The following LTBR variants were observed in gnomAD, a reference collection of about 807,000 sequenced individuals.
LTBR encodes the protein tumor necrosis factor receptor superfamily member 3.
A neutral mutation model predicts 45.4 loss-of-function variants in LTBR; 15 were observed. The observed-to-expected ratio is 0.33, with a 90% CI of 0.22 to 0.51. The LOEUF (loss-of-function observed/expected upper bound fraction) is 0.51, where lower values mean the gene tolerates loss of function less well. Among genes scored for constraint, LTBR ranks in the 20% least tolerant of loss-of-function variants. LTBR has a pLI of 0.97. For missense variants in LTBR, 450 were observed against 565.5 expected (o/e 0.80, Z 2.07); for synonymous variants, 228 against 231.0 (o/e 0.99, Z 0.12).
chr12:6,376,223 G>T (rs1022529653), intron 1 of LTBR: 2 of 981,412 alleles, frequency 2.0e-6, no homozygotes, highest in South Asian at 9.4e-5. Context: ...CCTCCTCCTG[G>T]TCCCTCCTCT....
chr12:6,390,647 T>A lies in LTBR; in HGVS notation c.1031-13T>A. On this transcript the variant is annotated splice_polypyrimidine_tract_variant and intron_variant, in intron 9 of 9. Coordinates refer to ENST00000228918, the MANE Select transcript of LTBR (RefSeq NM_002342.3). Reference sequence around the variant, plus strand: ...GGCCTTCCTTCCTCAACACTCTGCCTCCCTTCCTACAGGTACCAATGGCAT... The same window carrying A: ...GGCCTTCCTTCCTCAACACTCTGCCACCCTTCCTACAGGTACCAATGGCAT... The A allele has an allele frequency of 4.0e-6, 6 of 1,499,484 alleles. No individual in the cohort carries two copies. Among genetic ancestry groups the A allele is most frequent in the Non-Finnish European group, 5.3e-6 (6 of 1,124,850 alleles). 92.9% of individuals were successfully genotyped at this position (1,499,484 alleles called of 1,614,324 possible). A position where few individuals can be genotyped will look rare whatever the true frequency, so the allele number is the denominator to read the frequency against.
chr12:6,384,181 C>A lies in LTBR; in HGVS notation c.-178C>A. On this transcript the variant is annotated 5_prime_UTR_variant, in exon 1 of 10. Transcript: ENST00000228918. The stretch of plus-strand genomic sequence containing the variant: ...CGCTCCACTCCCACTTCCTGAGCTC[C>A]GCCATGGGAGCCCTGGAGGCCCGGC... The A allele has an allele frequency of 8.4e-6, 11 of 1,303,072 alleles. No individual in the cohort carries two copies. The highest frequency in any genetic ancestry group is 1.5e-5 in the African/African-American group (1 of 64,754). The allele number at this position is 1,303,072 out of a possible 1,614,324, so 80.7% of individuals were successfully genotyped here.
upstream of LTBR, among the ~76,000 whole-genome samples, chr12:6,382,966 T>C (rs1948998902): frequency 6.6e-6 from 1 of 152,216 alleles, no homozygotes; most frequent in Admixed American, 6.5e-5. Context: ...GGACTGGCTC[T>C]GTGATGTGGC....
Position 6,385,058 on chromosome 12 carries a change from A to G in LTBR, c.230A>G (p.Asp77Gly). The G allele has an allele frequency of 1.2e-6, 2 of 1,614,186 alleles. No homozygotes were observed. The highest frequency in any genetic ancestry group is 1.3e-5 in the African/African-American group (1 of 75,048). The change falls in exon 3 of 10, where the codon GAC (aspartate) becomes GGC (glycine). Residue 77 changes from aspartate to glycine, a missense_variant. Around this residue, in one of 3 missense-constraint regions of LTBR, gnomAD observed 367 missense variants for 435.4 expected, o/e 0.84. Transcript: ENST00000228918. ...TCAGCTAAATGTAGCCGCATCCGGG[A>G]CACAGTTTGTGCCACATGTGCCGAG... ...YVSAKCSRIRDTVCATCAENS... is the reference protein window; with the variant it reads ...YVSAKCSRIRGTVCATCAENS...
chr12:6,387,796 A>G (rs1281819294), intron 6 of LTBR: 2 of 444,744 alleles, frequency 4.5e-6, no homozygotes, highest in Non-Finnish European at 9.1e-6. Context: ...TTCCCCTCCT[A>G]GAACCTGCCC....
chr12:6,386,402 A>G lies in LTBR; in HGVS notation c.625A>G (p.Thr209Ala), dbSNP rs778597764. 30 of 1,612,796 alleles carry G rather than the reference A, an allele frequency of 1.9e-5. No homozygotes were observed. Among genetic ancestry groups the G allele is most frequent in the Non-Finnish European group, 2.5e-5 (29 of 1,179,532 alleles). The part of the protein sequence containing the change: ...AAPGTAQSDT[T>A]CKNPLEPLPP... ...TCCAGGCACTGCCCAGTCCGACACA[A>G]CCTGCAAAAATCCATTAGAGCCACT... is the stretch of plus-strand genomic sequence containing the variant. Residue 209 changes from threonine to alanine, a missense_variant, in exon 6 of 10, where the codon ACC becomes GCC. Transcript: ENST00000228918. The surrounding 1 kb of genome is among the most constrained non-coding windows in gnomAD (Gnocchi z 4.1).
intron 9 of LTBR, 78 bp from the exon 10 acceptor site, chr12:6,390,582 A>G: frequency 7.1e-7 from 1 of 1,415,898 alleles, no homozygotes; most frequent in Non-Finnish European, 9.5e-7. Context: ...GAAAGGCGAG[A>G]AGAAGGCAAG....
In LTBR at chr12:6,388,542, G is replaced by A. The variant is rs753361551; in HGVS notation, c.775+37G>A. ...TTGGATGCAGTGGATGGTTGGCAAT[G>A]GGAGCCGGAGGGAGGAATATTCAAC... On this transcript the variant is annotated intron_variant, in intron 7 of 9. Transcript: ENST00000228918. The surrounding 1 kb of genome is among the most constrained non-coding windows in gnomAD (Gnocchi z 4.3). 1 of 1,548,460 alleles carries A rather than the reference G, an allele frequency of 6.5e-7. No individual in the cohort carries two copies. Among genetic ancestry groups the A allele is most frequent in the South Asian group, 1.1e-5 (1 of 89,658 alleles).
chr12:6,384,538 A>T, intron 1 of LTBR, 50 bp from the exon 2 acceptor site: 2 of 1,610,114 alleles, frequency 1.2e-6, no homozygotes, highest in Non-Finnish European at 1.7e-6. Context: ...TGCCCTCCCA[A>T]GCTGACCCCT....
In LTBR at chr12:6,390,180, G is replaced by A. The variant is rs957317292; in HGVS notation, c.870G>A (p.Leu290=). The A allele has an allele frequency of 4.3e-6, 7 of 1,613,968 alleles. No individual in the cohort carries two copies. Among genetic ancestry groups the A allele is most frequent in the African/African-American group, 2.7e-5 (2 of 74,894 alleles). The part of the protein sequence containing the change: ...PPKAHPYFPD[L]VQPLLPISGD... ...AGGCCCATCCATACTTCCCTGACTT[G>A]GTACAGCCACTGCTACCCATTTCTG... Residue 290 remains leucine, a synonymous_variant, in exon 9 of 10, where the codon TTG becomes TTA. Transcript: ENST00000228918.
In LTBR at chr12:6,388,457, G is replaced by A. The variant is rs148007184; in HGVS notation, c.727G>A (p.Val243Ile). 4.7e-5 allele frequency: 76 copies of A among 1,613,808 alleles called. No homozygotes were observed. The highest frequency in any genetic ancestry group is 8.9e-5 in the East Asian group (4 of 44,884). The change falls in exon 7 of 10, where the codon GTC becomes ATC. Residue 243 changes from valine to isoleucine, a missense_variant. By Grantham distance (29) the Val-to-Ile change is conservative. Transcript: ENST00000228918. This position sits in a 1 kb window ranked among gnomAD's most constrained non-coding sequence, Gnocchi z 4.3. ...GGCCTTCTTTCTGCTCCTTGCCACC[G>A]TCTTCTCCTGCATCTGGAAGAGCCA... is the stretch of plus-strand genomic sequence containing the variant. Reference protein sequence around the residue: ...PLAFFLLLATVFSCIWKSHPS... With the variant: ...PLAFFLLLATIFSCIWKSHPS...
intron 1 of LTBR, chr12:6,377,154 A>T (rs1396350898): frequency 1.0e-6 from 1 of 1,003,918 alleles, no homozygotes; most frequent in East Asian, 2.6e-5. Context: ...TCAGGGTCCA[A>T]CCTGGTCTGT....
At chr12:6,378,623 G>A (rs1948944238) in intron 1 of LTBR, among the ~76,000 whole-genome samples, 1 of 152,164 alleles carries the variant, frequency 6.6e-6, no homozygotes, top group Admixed American at 6.5e-5. Context: ...TCATGCATGA[G>A]GGGACTGAGG....
At chr12:6,375,221 G>C, upstream of LTBR, 7 of 1,441,670 alleles carry the variant, frequency 4.9e-6, no homozygotes, top group Non-Finnish European at 6.3e-6. Flanking sequence ...TCTGCCTTCT[G>C]TTTCTCTTTG....
upstream of LTBR, chr12:6,375,225 C>T: frequency 6.9e-7 from 1 of 1,441,036 alleles, no homozygotes; most frequent in Middle Eastern, 2.6e-4. Flanking sequence ...CCTTCTGTTT[C>T]TCTTTGGGTC....
Position 6,375,707 on chromosome 12 carries a change from T to G in LTBR, c.39+113T>G. Reference sequence around the variant, plus strand: ...GAGTACTGGACCTGAGAAGGCGGACTCTGGGCAGGGGCTTTAGACGCAGAC... The same window carrying G: ...GAGTACTGGACCTGAGAAGGCGGACGCTGGGCAGGGGCTTTAGACGCAGAC... On this transcript the variant is annotated intron_variant, in intron 1 of 9. Transcript: ENST00000539925. The G allele has an allele frequency of 2.1e-6, 3 of 1,434,274 alleles. No homozygotes were observed. In the South Asian group the frequency reaches 4.3e-5, roughly 21 times the overall value. The allele number at this position is 1,434,274 out of a possible 1,614,324, so 88.8% of individuals were successfully genotyped here.
upstream of LTBR, chr12:6,375,268 C>T (rs72645130): frequency 5.9e-3 from 8,466 of 1,437,782 alleles, 35 homozygotes; most frequent in Non-Finnish European, 7.3e-3. Context: ...CCTGCCTCCT[C>T]TCTCTAATCC....
intron 8 of LTBR, 54 bp from the exon 9 acceptor site, chr12:6,390,058 A>G: frequency 2.6e-6 from 3 of 1,156,202 alleles, no homozygotes; most frequent in Non-Finnish European, 2.6e-6. Context: ...AGGGAGAGAG[A>G]AAAAAGGGTC....
chr12:6,375,970 G>A (rs1405095356), intron 1 of LTBR: 8 of 1,027,652 alleles, frequency 7.8e-6, no homozygotes, highest in Non-Finnish European at 4.7e-6. Context: ...AGGCAGGTGG[G>A]GGGCAGTGGT....
Sources: gnomAD v4.1 joint callset for allele counts (sites outside exome capture counted in the v4.1 genomes callset) on GRCh38, gnomAD v4.1.1 for gene constraint, gnomAD v4.1.1 regional missense constraint, Gnocchi (gnomAD v3.1) non-coding constraint, MANE v1.5 for transcripts, NCBI Gene and HGNC (gene_info 2026-07-23, HGNC 2026-07-21) for gene names.